SGSM3: variants seen among roughly 807,000 people sequenced by gnomAD.
The protein encoded by SGSM3 is small G protein signaling modulator 3.
Under a neutral mutation model 100.5 loss-of-function variants are expected in SGSM3, and 96 were observed. That is an observed-to-expected ratio of 0.96 (90% CI 0.81 to 1.13). SGSM3 has a LOEUF of 1.13. Among genes scored for constraint, SGSM3 ranks in the 50% most tolerant of loss-of-function variants. The pLI is 0.00. For missense variants in SGSM3, 1,001 were observed against 1,015.8 expected, an observed-to-expected ratio of 0.99 and a Z score of 0.20; for synonymous variants, 483 against 422.8, an observed-to-expected ratio of 1.14 and a Z score of -1.75.
At position 40,406,681 on chromosome 22, in the gene SGSM3, C is replaced by T; in HGVS notation, c.1185+19C>T. 1 of 1,590,984 alleles carries T rather than the reference C, an allele frequency of 6.3e-7. No individual in the cohort carries two copies. Among genetic ancestry groups the T allele is most frequent in the Non-Finnish European group, 8.6e-7 (1 of 1,163,052 alleles). ...CTCTCAGGTGGCCCAGGATGGGGGG[C>T]CGCACCTTGACCCACAGCACACGGG... On this transcript the variant is annotated intron_variant, in intron 10 of 21. Transcript: ENST00000248929.
In SGSM3 at chr22:40,398,335, C is replaced by T. The variant is rs1454447688; in HGVS notation, c.-111-2361C>T. Among the ~76,000 whole-genome samples, 3 of 141,034 alleles carry T rather than the reference C, an allele frequency of 2.1e-5. 1 individual carries two copies. Among genetic ancestry groups the T allele is most frequent in the Non-Finnish European group, 4.6e-5 (3 of 65,070 alleles). The allele number at this position is 141,034 out of a possible 152,430, so 92.5% of individuals were successfully genotyped here. ...ACTGTTGTGTCCCAGCTCTTAGAAG[C>T]TGCCTGGCTCTTAGGGGTGCTCAGT... is the stretch of plus-strand genomic sequence containing the variant. On this transcript the variant is annotated intron_variant, in intron 1 of 21. Coordinates refer to ENST00000248929, the MANE Select transcript of SGSM3 (RefSeq NM_015705.6).
chr22:40,386,562 C>CTTTTTT lies in SGSM3; in HGVS notation c.-111-14112_-111-14107dup, dbSNP rs60319316. Among the ~76,000 whole-genome samples, 14 of 68,364 alleles carry CTTTTTT rather than the reference C, an allele frequency of 2.0e-4. 2 individuals carry two copies. The highest frequency in any genetic ancestry group is 6.3e-4 in the Admixed American group (3 of 4,780). 44.8% of individuals were successfully genotyped at this position (68,364 alleles called of 152,430 possible). ...TTTGACCTCTAGTCCAATTTTCTTA[C>CTTTTTT]TTTTTTTTTTTTTTTTTTTTTTTTT... On this transcript the variant is annotated intron_variant, in intron 1 of 21. Transcript: ENST00000248929.
At chr22:40,402,346 G>T in intron 4 of SGSM3, 141 bp downstream of exon 4, 1 of 683,374 alleles carries the variant, frequency 1.5e-6, no homozygotes, top group Non-Finnish European at 2.7e-6. Context: ...TGTATCTGAG[G>T]GTGATACTCT....
rs1213528970 is a variant in SGSM3 at position 40,397,962 on chromosome 22, TTCTG to T, written c.-111-2730_-111-2727del. Reference sequence around the variant, plus strand: ...ATCTATTTCTGTGTTTATCATCCAATTCTGTCTTTTTTTTTTTTTTTTTTTTTTG... The same window carrying T: ...ATCTATTTCTGTGTTTATCATCCAATTCTTTTTTTTTTTTTTTTTTTTTTG... On this transcript the variant is annotated intron_variant, in intron 1 of 21. Coordinates refer to ENST00000248929, the MANE Select transcript of SGSM3 (RefSeq NM_015705.6). Among the ~76,000 whole-genome samples the T allele has an allele frequency of 3.4e-3, 518 of 150,774 alleles. 8 individuals are homozygous for T. The highest frequency in any genetic ancestry group is 0.012 in the African/African-American group (500 of 40,772).
chr22:40,406,881 C>A, intron 10 of SGSM3, 136 bp from the exon 11 acceptor site: 2 of 1,012,882 alleles, frequency 2.0e-6, no homozygotes, highest in Non-Finnish European at 3.0e-6. Flanking sequence ...GAAGGCAGAC[C>A]CAGCTCTGAT....
Position 40,407,575 on chromosome 22 carries a change from G to A in SGSM3, c.1524+7G>A. ...CAAGAACGACATCATCACAGTGCGTGGGGGCGCTGGACTACCAGGTCCTCA... is the reference window on the plus strand; with the variant it reads ...CAAGAACGACATCATCACAGTGCGTAGGGGCGCTGGACTACCAGGTCCTCA... On this transcript the variant is annotated splice_region_variant and intron_variant, in intron 13 of 21. Transcript: ENST00000248929. The surrounding 1 kb of genome is among the most constrained non-coding windows in gnomAD (Gnocchi z 4.7). 6.2e-7 allele frequency: 1 copy of A among 1,601,126 alleles called. No individual in the cohort carries two copies.
rs149851187 is a variant in SGSM3 at position 40,406,190 on chromosome 22, G to A, written c.927G>A (p.Leu309=). Residue 309 remains leucine, a synonymous_variant, in exon 9 of 22, where the codon CTG becomes CTA. Transcript: ENST00000248929. Reference sequence around the variant, plus strand: ...TTTTCTACGAGGGCTCCCGGGTGCTGTTCCAGCTCACGCTGGGCATGCTGC... The same window carrying A: ...TTTTCTACGAGGGCTCCCGGGTGCTATTCCAGCTCACGCTGGGCATGCTGC... The part of the protein sequence containing the change: ...DLFFYEGSRV[L]FQLTLGMLHL... 115 of 1,614,104 alleles carry A rather than the reference G, an allele frequency of 7.1e-5. No homozygotes were observed. In the African/African-American group the frequency reaches 1.5e-3, roughly 21 times the overall value.
chr22:40,379,586 C>T (rs1443657707), intron 1 of SGSM3: 1 of 152,226 alleles, frequency 6.6e-6, no homozygotes, highest in Non-Finnish European at 1.5e-5. Context: ...CGTGCAGTGC[C>T]TGCTGCAGCA....
Position 40,408,393 on chromosome 22 carries a change from TGGG to T in SGSM3, c.1749_1751del (p.Gly584del), listed in dbSNP as rs781536739. ...ATGGACTGAAGAAGCCATCCCTGCT[TGGG>T]GGCGCCTGCCACCCCTGGCTGTTTA... On this transcript the variant is annotated inframe_deletion, in exon 16 of 22. Transcript: ENST00000248929. The T allele has an allele frequency of 6.2e-7, 1 of 1,613,452 alleles. No individual in the cohort carries two copies. Among genetic ancestry groups the T allele is most frequent in the Non-Finnish European group, 8.5e-7 (1 of 1,179,960 alleles).
chr22:40,394,806 A>C (rs1441662055), intron 1 of SGSM3, among the ~76,000 whole-genome samples: 1 of 152,142 alleles, frequency 6.6e-6, no homozygotes, highest in Non-Finnish European at 1.5e-5. Context: ...TGTGAGCTGA[A>C]AAGTCATTTC....
chr22:40,374,246 C>A (rs1453093827), intron 1 of SGSM3, among the ~76,000 whole-genome samples: 1 of 152,122 alleles, frequency 6.6e-6, no homozygotes, highest in Non-Finnish European at 1.5e-5. Flanking sequence ...GCCACCGTGC[C>A]CAGCCAATAG....
At position 40,399,213 on chromosome 22, in the gene SGSM3, T is replaced by C. The variant is rs532797708; in HGVS notation, c.-111-1483T>C. On this transcript the variant is annotated intron_variant, in intron 1 of 21. Coordinates refer to ENST00000248929, the MANE Select transcript of SGSM3 (RefSeq NM_015705.6). ...GGTGGCCAAGCTGGTCTCAAACTCC[T>C]GGCCTCAAGTGATCCGCCCACCTCA... Among the ~76,000 whole-genome samples the C allele has an allele frequency of 7.0e-5, 7 of 100,538 alleles. 1 individual carries two copies. The East Asian group carries it at 9.0e-4, about 13-fold the overall frequency. The allele number at this position is 100,538 out of a possible 152,430, so 66.0% of individuals were successfully genotyped here.
In SGSM3 at chr22:40,389,384, G is replaced by A. The variant is rs60390811; in HGVS notation, c.-111-11312G>A. ...GGAGGCCGAGGCGGGCGGATCACGA[G>A]GTCAGGAGATCCCGACCATCCCGGC... On this transcript the variant is annotated intron_variant, in intron 1 of 21. Coordinates refer to ENST00000248929, the MANE Select transcript of SGSM3 (RefSeq NM_015705.6). Among the ~76,000 whole-genome samples, 727 of 151,908 alleles carry A rather than the reference G, an allele frequency of 4.8e-3. 3 individuals carry two copies. Among genetic ancestry groups the A allele is most frequent in the African/African-American group, 0.017 (699 of 41,400 alleles).
intron 1 of SGSM3, among the ~76,000 whole-genome samples, chr22:40,395,810 C>A (rs1006192791): frequency 1.3e-5 from 2 of 152,226 alleles, no homozygotes; most frequent in African/African-American, 4.8e-5. Context: ...TTGATTCTAC[C>A]TCTGATTGTG....
intron 6 of SGSM3, 108 bp from the exon 7 acceptor site, chr22:40,405,033 G>A: frequency 7.2e-7 from 1 of 1,395,310 alleles, no homozygotes; most frequent in African/African-American, 1.5e-5. Context: ...ACCTTGATCA[G>A]GAACACAAGG....
Position 40,408,614 on chromosome 22 carries a change from G to A in SGSM3, c.1783-13G>A, listed in dbSNP as rs1225446237. On this transcript the variant is annotated splice_polypyrimidine_tract_variant and intron_variant, in intron 16 of 21. Coordinates refer to ENST00000248929, the MANE Select transcript of SGSM3 (RefSeq NM_015705.6). The stretch of plus-strand genomic sequence containing the variant: ...TCCTGTCCCTGCACTCACACCGTGT[G>A]CTGTCCCCACAGGCTGCAGGCCGGG... The A allele has an allele frequency of 1.9e-6, 3 of 1,613,802 alleles. No individual in the cohort carries two copies. Among genetic ancestry groups the A allele is most frequent in the East Asian group, 2.2e-5 (1 of 44,870 alleles).
At position 40,409,719 on chromosome 22, in the gene SGSM3, T is replaced by C. The variant is rs770627317; in HGVS notation, c.2210T>C (p.Leu737Pro). The C allele has an allele frequency of 1.2e-5, 20 of 1,612,204 alleles. No homozygotes were observed. Among genetic ancestry groups the C allele is most frequent in the Non-Finnish European group, 1.5e-5 (18 of 1,179,780 alleles). Reference sequence around the variant, plus strand: ...CTGAAGGAGGGCGTCCGGGACATGCTGGTGAAGCACCACCTCTTCAGCTGG... The same window carrying C: ...CTGAAGGAGGGCGTCCGGGACATGCCGGTGAAGCACCACCTCTTCAGCTGG... ...QPLKEGVRDM[L>P]VKHHLFSWDV... Residue 737 changes from leucine (L) to proline (P), a missense_variant, in exon 22 of 22, where the codon CTG (leucine) becomes CCG (proline). Coordinates refer to ENST00000248929, the MANE Select transcript of SGSM3 (RefSeq NM_015705.6).
intron 1 of SGSM3, among the ~76,000 whole-genome samples, chr22:40,371,482 A>G (rs2146701877): frequency 6.6e-6 from 1 of 152,286 alleles, no homozygotes; most frequent in African/African-American, 2.4e-5. Context: ...TTCAAGTCAA[A>G]TCAGACTCTG....
At position 40,408,436 on chromosome 22, in the gene SGSM3, C is replaced by A; in HGVS notation, c.1782+7C>A. 6.2e-7 allele frequency: 1 copy of A among 1,613,280 alleles called. No individual in the cohort carries two copies. The highest frequency in any genetic ancestry group is 1.1e-5 in the South Asian group (1 of 91,028). On this transcript the variant is annotated splice_region_variant and intron_variant, in intron 16 of 21. Coordinates refer to ENST00000248929, the MANE Select transcript of SGSM3 (RefSeq NM_015705.6). ...CTGGCTGTTTATCGAGGAGGTAAGTCAGTGGCTGGGCCCATGACCCCCACC... is the reference window on the plus strand; with the variant it reads ...CTGGCTGTTTATCGAGGAGGTAAGTAAGTGGCTGGGCCCATGACCCCCACC...
Sources: gnomAD v4.1 joint callset for allele counts (sites outside exome capture counted in the v4.1 genomes callset) on GRCh38, gnomAD v4.1.1 for gene constraint, Gnocchi (gnomAD v3.1) non-coding constraint, MANE v1.5 for transcripts, NCBI Gene and HGNC (gene_info 2026-07-23, HGNC 2026-07-21) for gene names.